KAZN: variants seen among roughly 807,000 people sequenced by gnomAD.
KAZN encodes kazrin, periplakin interacting protein.
Under a neutral mutation model 87.4 loss-of-function variants are expected in KAZN, and 40 were observed. The ratio of observed to expected loss-of-function variants is 0.46; its 90% CI spans 0.36 to 0.60. The LOEUF (loss-of-function observed/expected upper bound fraction) is 0.60, where lower values mean the gene tolerates loss of function less well. Ranked by LOEUF, KAZN falls within the 20% of genes least tolerant of loss-of-function variation. The pLI is 0.00. For missense variants in KAZN, 898 were observed against 1,073.9 expected (o/e 0.84, Z 2.29); for synonymous variants, 466 against 458.3 (o/e 1.02, Z -0.22).
intron 1 of KAZN, among the ~76,000 whole-genome samples, chr1:14,022,207 T>A (rs192597149): frequency 1.4e-4 from 22 of 152,204 alleles, no homozygotes; most frequent in African/African-American, 4.6e-4. Context: ...GCTTGTTCTT[T>A]ATACATGACA....
At chr1:14,381,249 A>T (rs60874731) in intron 2 of KAZN, among the ~76,000 whole-genome samples, 16,731 of 152,210 alleles carry the variant, frequency 0.11, 1,116 homozygotes, top group East Asian at 0.23. Context: ...GAGCACTCAG[A>T]TATATAAAGC....
Position 14,678,892 on chromosome 1 carries a change from G to A in KAZN, c.226+79669G>A, listed in dbSNP as rs145477373. Among the ~76,000 whole-genome samples, 105 of 152,330 alleles carry A rather than the reference G, an allele frequency of 6.9e-4. 1 individual carries two copies. The highest frequency in any genetic ancestry group is 2.4e-3 in the African/African-American group (101 of 41,570). On this transcript the variant is annotated intron_variant, in intron 1 of 14. Coordinates refer to ENST00000376030, the MANE Select transcript of KAZN (RefSeq NM_201628.3). The stretch of plus-strand genomic sequence containing the variant: ...GGGGATATAATAGGACCGAAAAAGG[G>A]CATCAGCCTCACCTTTTTGGAGCTT...
chr1:14,924,511 C>T (rs1572842531), intron 1 of KAZN: 2 of 1,002,256 alleles, frequency 2.0e-6, no homozygotes, highest in East Asian at 1.1e-4. Context: ...CGGCGGGGCC[C>T]GGCGATCGGC....
At chr1:14,686,451 G>C (rs1640957972) in intron 1 of KAZN, among the ~76,000 whole-genome samples, 1 of 152,224 alleles carries the variant, frequency 6.6e-6, no homozygotes, top group South Asian at 2.1e-4. Flanking sequence ...GATATATGTG[G>C]TCCCCTCGCC....
intron 1 of KAZN, among the ~76,000 whole-genome samples, chr1:14,074,371 T>G (rs1643363001): frequency 6.6e-6 from 1 of 151,882 alleles, no homozygotes. Context: ...TATCCTAACC[T>G]CCATGCCCAA....
chr1:14,643,046 T>C (rs557318258), intron 1 of KAZN, among the ~76,000 whole-genome samples: 1 of 152,348 alleles, frequency 6.6e-6, no homozygotes, highest in African/African-American at 2.4e-5. Context: ...CACAACAACC[T>C]GTATGTTGTG....
At chr1:13,981,370 A>G (rs1251859831) in intron 1 of KAZN, among the ~76,000 whole-genome samples, 1 of 150,746 alleles carries the variant, frequency 6.6e-6, no homozygotes, top group East Asian at 1.9e-4. Context: ...TTAAATATTA[A>G]CATATTGATA....
chr1:14,581,627 C>T (rs1675553265), intron 2 of KAZN, among the ~76,000 whole-genome samples: 1 of 152,194 alleles, frequency 6.6e-6, no homozygotes, highest in Non-Finnish European at 1.5e-5. Context: ...CCCTACAAGA[C>T]CTCACAGTCC....
At chr1:14,960,977 C>A (rs1378890379) in intron 2 of KAZN, 102 bp downstream of exon 2, 1 of 1,224,166 alleles carries the variant, frequency 8.2e-7, no homozygotes, top group Non-Finnish European at 1.1e-6. Flanking sequence ...ACACAGGGGT[C>A]TCCCAGCACC....
intron 2 of KAZN, among the ~76,000 whole-genome samples, chr1:14,403,323 T>G (rs2101143630): frequency 6.6e-6 from 1 of 152,216 alleles, no homozygotes; most frequent in East Asian, 1.9e-4. Flanking sequence ...AAGAAAACTT[T>G]AAATCTATTA....
chr1:14,405,473 G>A (rs1420397650), intron 2 of KAZN, among the ~76,000 whole-genome samples: 1 of 152,098 alleles, frequency 6.6e-6, no homozygotes, highest in Non-Finnish European at 1.5e-5. Context: ...GAGAGGAAGC[G>A]GGAGAGGCAA....
chr1:14,076,640 C>T (rs1643471062), intron 1 of KAZN, among the ~76,000 whole-genome samples: 1 of 152,142 alleles, frequency 6.6e-6, no homozygotes. Flanking sequence ...ATGTCCTCTG[C>T]AGGGCAAAAC....
chr1:14,789,361 A>G (rs939678589), intron 1 of KAZN, among the ~76,000 whole-genome samples: 4 of 152,126 alleles, frequency 2.6e-5, no homozygotes, highest in Non-Finnish European at 5.9e-5. Context: ...CGGTCAGCTG[A>G]TGTGCAAGAC....
At chr1:14,943,781 C>T (rs1278490192) in intron 1 of KAZN, among the ~76,000 whole-genome samples, 1 of 152,210 alleles carries the variant, frequency 6.6e-6, no homozygotes, top group African/African-American at 2.4e-5. Flanking sequence ...GTGTCAAAAC[C>T]AAAAGTTGAG....
chr1:14,062,379 G>A (rs1642829971), intron 1 of KAZN, among the ~76,000 whole-genome samples: 1 of 152,164 alleles, frequency 6.6e-6, no homozygotes, highest in South Asian at 2.1e-4. Flanking sequence ...GCACTACACT[G>A]TGCAAAAGAG....
chr1:14,669,739 C>T (rs1017827728), intron 1 of KAZN, among the ~76,000 whole-genome samples: 9 of 152,110 alleles, frequency 5.9e-5, no homozygotes, highest in Admixed American at 3.3e-4. Flanking sequence ...AAAATGAGAG[C>T]CTGTCTCTAA....
At chr1:14,555,549 T>C (rs781468641) in intron 2 of KAZN, among the ~76,000 whole-genome samples, 11 of 152,208 alleles carry the variant, frequency 7.2e-5, no homozygotes, top group Admixed American at 2.6e-4. Flanking sequence ...AAAACAGGAA[T>C]ATTTTTGACA....
chr1:14,827,925 A>G (rs1281462445), intron 1 of KAZN, among the ~76,000 whole-genome samples: 2 of 152,206 alleles, frequency 1.3e-5, no homozygotes, highest in African/African-American at 4.8e-5. Context: ...TTCCTTCTCC[A>G]TTTGCATAAA....
intron 1 of KAZN, among the ~76,000 whole-genome samples, chr1:13,990,323 C>T (rs563567141): frequency 2.6e-4 from 39 of 152,158 alleles, no homozygotes; most frequent in South Asian, 1.5e-3. Context: ...TATATTTATA[C>T]GAAGGAAGAC....
Sources: allele counts gnomAD v4.1 joint callset (sites outside exome capture counted in the v4.1 genomes callset), GRCh38; gene constraint gnomAD v4.1.1; transcripts MANE v1.5; gene names NCBI Gene and HGNC (gene_info 2026-07-23, HGNC 2026-07-21).